Variants in INPP4B observed in about 807,000 individuals in gnomAD.
INPP4B encodes the protein inositol polyphosphate-4-phosphatase type II B.
Under a neutral mutation model 122.5 loss-of-function variants are expected in INPP4B, and 55 were observed. The observed-to-expected ratio is 0.45, with a 90% confidence interval of 0.36 to 0.56. The LOEUF (loss-of-function observed/expected upper bound fraction) is 0.56, where lower values mean the gene tolerates loss of function less well. Ranked by LOEUF, INPP4B falls within the 20% of genes least tolerant of loss-of-function variation. INPP4B has a pLI of 0.00. For synonymous variants in INPP4B, 403 were observed against 388.7 expected, an observed-to-expected ratio of 1.04 and a Z score of -0.43; for missense variants, 1,000 against 1,097.7, an observed-to-expected ratio of 0.91 and a Z score of 1.26.
At chr4:142,601,441 C>A (rs1739881601) in intron 2 of INPP4B, among the ~76,000 whole-genome samples, 1 of 151,724 alleles carries the variant, frequency 6.6e-6, no homozygotes, top group South Asian at 2.1e-4. Flanking sequence ...AAACAACATG[C>A]TCCTGAACAA....
At chr4:142,743,363 C>T (rs576899099) in intron 1 of INPP4B, among the ~76,000 whole-genome samples, 1 of 152,020 alleles carries the variant, frequency 6.6e-6, no homozygotes, top group East Asian at 1.9e-4. Context: ...ATATGCAAGG[C>T]AAGAAGCCAG....
intron 2 of INPP4B, among the ~76,000 whole-genome samples, chr4:142,600,570 A>T (rs1040046465): frequency 6.6e-6 from 1 of 152,190 alleles, no homozygotes; most frequent in Non-Finnish European, 1.5e-5. Flanking sequence ...GTAATAAAAA[A>T]GACTCAAATG....
At chr4:142,342,596 G>A (rs1430611734) in intron 7 of INPP4B, among the ~76,000 whole-genome samples, 1 of 152,128 alleles carries the variant, frequency 6.6e-6, no homozygotes, top group East Asian at 1.9e-4. Flanking sequence ...AAACAAGATT[G>A]CCTCTTGTTC....
chr4:142,706,830 T>G (rs181824280), intron 2 of INPP4B, among the ~76,000 whole-genome samples: 1 of 152,358 alleles, frequency 6.6e-6, no homozygotes, highest in East Asian at 1.9e-4. Flanking sequence ...CGCTAAATAT[T>G]GCTCAACTCC....
chr4:142,212,363 G>T (rs185272986), intron 12 of INPP4B, among the ~76,000 whole-genome samples: 1 of 152,000 alleles, frequency 6.6e-6, no homozygotes, highest in Non-Finnish European at 1.5e-5. Context: ...CAGATTTTCC[G>T]CCATACTCTA....
At chr4:142,288,830 T>C (rs1467759818) in intron 9 of INPP4B, among the ~76,000 whole-genome samples, 2 of 152,214 alleles carry the variant, frequency 1.3e-5, no homozygotes, top group East Asian at 1.9e-4. Context: ...TTATGAGATA[T>C]TTTGAAGCTT....
intron 1 of INPP4B, among the ~76,000 whole-genome samples, chr4:142,834,033 G>A (rs1305475831): frequency 6.6e-6 from 1 of 151,992 alleles, no homozygotes; most frequent in Non-Finnish European, 1.5e-5. Flanking sequence ...TTTTGTACTA[G>A]TTAGTATTCA....
At chr4:142,260,349 G>A (rs79024206) in intron 11 of INPP4B, 143 bp downstream of exon 11, 28 of 653,312 alleles carry the variant, frequency 4.3e-5, no homozygotes, top group Admixed American at 1.2e-4. Context: ...CAATCTCCCC[G>A]CATTCTGCTG....
At chr4:142,605,970 A>G (rs74844057) in intron 2 of INPP4B, among the ~76,000 whole-genome samples, 98 of 152,204 alleles carry the variant, frequency 6.4e-4, no homozygotes, top group African/African-American at 2.3e-3. Flanking sequence ...ACTATTCAGA[A>G]TAGCAAAGAT....
chr4:142,317,204 A>T (rs1426122885), intron 7 of INPP4B: 1 of 231,758 alleles, frequency 4.3e-6, no homozygotes, highest in Admixed American at 4.7e-5. Context: ...GGGGAAGAGT[A>T]AGAGTTCAGG....
intron 11 of INPP4B, among the ~76,000 whole-genome samples, chr4:142,252,636 A>C (rs1478209099): frequency 3.9e-5 from 6 of 152,344 alleles, no homozygotes; most frequent in Non-Finnish European, 8.8e-5. Context: ...ACAGTTTAAT[A>C]CCTTGTTGAA....
intron 2 of INPP4B, among the ~76,000 whole-genome samples, chr4:142,624,252 T>C (rs1745721492): frequency 1.3e-5 from 2 of 151,956 alleles, no homozygotes; most frequent in Admixed American, 6.6e-5. Context: ...TTTTTAATGA[T>C]TGCCATTCTA....
Position 142,837,171 on chromosome 4 carries a change from T to A in INPP4B, c.-254+9038A>T, listed in dbSNP as rs1188341024. Among the ~76,000 whole-genome samples, 172 of 150,276 alleles carry A rather than the reference T, an allele frequency of 1.1e-3. 1 individual carries two copies. Among genetic ancestry groups the A allele is most frequent in the African/African-American group, 4.1e-3 (166 of 40,386 alleles). On this transcript the variant is annotated intron_variant, in intron 1 of 25. Transcript: ENST00000262992. ...AACACAGTCTCAAAAATAATAATAA[T>A]AATAATAATAATAATAAAGGAAAAC...
intron 3 of INPP4B, among the ~76,000 whole-genome samples, chr4:142,449,389 C>T (rs1479671096): frequency 1.3e-5 from 2 of 152,112 alleles, no homozygotes; most frequent in African/African-American, 2.4e-5. Flanking sequence ...TTGAGCCACA[C>T]TCTAGACTTA....
intron 2 of INPP4B, among the ~76,000 whole-genome samples, chr4:142,526,341 C>T (rs1351089282): frequency 1.3e-5 from 2 of 152,042 alleles, no homozygotes. Flanking sequence ...TATAGTCACC[C>T]TGTTGTGCTA....
chr4:142,838,457 T>G (rs1471459616), intron 1 of INPP4B, among the ~76,000 whole-genome samples: 1 of 152,050 alleles, frequency 6.6e-6, no homozygotes, highest in Non-Finnish European at 1.5e-5. Flanking sequence ...TCTTCTTTAC[T>G]CCTACCCAAA....
intron 12 of INPP4B, among the ~76,000 whole-genome samples, chr4:142,237,103 A>C (rs912965981): frequency 6.6e-6 from 1 of 152,160 alleles, no homozygotes; most frequent in African/African-American, 2.4e-5. Flanking sequence ...TATTATAGCA[A>C]CTGATTTAAT....
chr4:142,119,384 T>A (rs1209677851), intron 21 of INPP4B, among the ~76,000 whole-genome samples: 1 of 152,092 alleles, frequency 6.6e-6, no homozygotes, highest in Non-Finnish European at 1.5e-5. Flanking sequence ...TAGCAAAGAC[T>A]TGGAACCAAC....
rs186251727 is a variant in INPP4B, at chr4:142,428,737, G to C, written c.136+436C>G. 2.4e-3 allele frequency among the ~76,000 whole-genome samples: 370 copies of C among 152,108 alleles called. 1 individual carries two copies. The highest frequency in any genetic ancestry group is 3.7e-3 in the Non-Finnish European group (251 of 67,948). On this transcript the variant is annotated intron_variant, in intron 5 of 25. Coordinates refer to ENST00000262992, the MANE Select transcript of INPP4B (RefSeq NM_001101669.3). ...TGGCATTTTCACAAAAATCAATATG[G>C]AAGAGTCAGGGAATGTTCTTGAATA...
Sources: gnomAD v4.1 joint callset for allele counts (sites outside exome capture counted in the v4.1 genomes callset) on GRCh38, gnomAD v4.1.1 for gene constraint, MANE v1.5 for transcripts, NCBI Gene and HGNC (gene_info 2026-07-23, HGNC 2026-07-21) for gene names.